The following RSRC1 variants were observed in gnomAD, a reference collection of about 807,000 sequenced individuals.
The protein encoded by RSRC1 is serine/Arginine-related protein 53.
In RSRC1, 39 loss-of-function variants were observed where a neutral mutation model predicts 49.1. The ratio of observed to expected loss-of-function variants is 0.79; its 90% CI spans 0.61 to 1.04. The LOEUF is 1.04. RSRC1 is among the 50% of genes least tolerant of loss of function. RSRC1 has a pLI of 0.00. For synonymous variants in RSRC1, 143 were observed against 130.8 expected (o/e 1.09, Z -0.63); for missense variants, 388 against 402.4 (o/e 0.96, Z 0.31).
intron 6 of RSRC1, among the ~76,000 whole-genome samples, chr3:158,401,654 G>A (rs78105531): frequency 0.017 from 2,526 of 152,010 alleles, 67 homozygotes; most frequent in African/African-American, 0.057. Context: ...GATTGCAGAA[G>A]CATTTCTGAA....
At chr3:158,194,289 G>C (rs1720416159) in intron 3 of RSRC1, among the ~76,000 whole-genome samples, 1 of 141,602 alleles carries the variant, frequency 7.1e-6, no homozygotes, top group Non-Finnish European at 1.6e-5. Flanking sequence ...AATAAATAAA[G>C]GAATGAAGAA....
intron 6 of RSRC1, among the ~76,000 whole-genome samples, chr3:158,441,127 C>T (rs897091674): frequency 3.3e-5 from 5 of 152,082 alleles, no homozygotes; most frequent in Admixed American, 2.6e-4. Context: ...CTGTCTGCTT[C>T]TCCTACAGTC....
At chr3:158,321,289 TC>T (rs1559991702) in intron 5 of RSRC1, among the ~76,000 whole-genome samples, 24 of 150,112 alleles carry the variant, frequency 1.6e-4, no homozygotes, top group Non-Finnish European at 1.9e-4. Context: ...CTCTTCCTCC[TC>T]CTCCTCCTCT....
intron 6 of RSRC1, among the ~76,000 whole-genome samples, chr3:158,456,105 G>A (rs1737302487): frequency 1.3e-5 from 2 of 149,590 alleles, no homozygotes; most frequent in Non-Finnish European, 3.0e-5. Context: ...ATTAGGCAAA[G>A]TGGACATAAC....
chr3:158,115,054 G>C (rs2108151406), intron 1 of RSRC1, among the ~76,000 whole-genome samples: 1 of 152,242 alleles, frequency 6.6e-6, no homozygotes, highest in East Asian at 1.9e-4. Flanking sequence ...AGTGGTGAGA[G>C]AGGACATCCT....
chr3:158,376,798 T>G (rs138729776), intron 6 of RSRC1, among the ~76,000 whole-genome samples: 96 of 152,348 alleles, frequency 6.3e-4, no homozygotes, highest in African/African-American at 2.1e-3. Context: ...GCACCTATTA[T>G]TCCATATTGG....
At chr3:158,156,445 C>T (rs1559922358) in intron 3 of RSRC1, among the ~76,000 whole-genome samples, 1 of 152,090 alleles carries the variant, frequency 6.6e-6, no homozygotes, top group Non-Finnish European at 1.5e-5. Context: ...TGGAATAGTA[C>T]TTTTAATATT....
intron 4 of RSRC1, among the ~76,000 whole-genome samples, chr3:158,288,441 A>T (rs144308928): frequency 6.6e-6 from 1 of 152,276 alleles, no homozygotes; most frequent in African/African-American, 2.4e-5. Flanking sequence ...ACTCCTTACT[A>T]AAATGTGTTG....
chr3:158,300,718 CTCT>C (rs1727496032), intron 5 of RSRC1, among the ~76,000 whole-genome samples: 1 of 152,064 alleles, frequency 6.6e-6, no homozygotes, highest in Non-Finnish European at 1.5e-5. Context: ...TGGAATTAAT[CTCT>C]TCTTTGTGTA....
intron 3 of RSRC1, among the ~76,000 whole-genome samples, chr3:158,130,424 T>C (rs1715939379): frequency 6.6e-6 from 1 of 152,218 alleles, no homozygotes; most frequent in African/African-American, 2.4e-5. Flanking sequence ...TTTCCATTTA[T>C]TTGTTGAGTA....
intron 7 of RSRC1, among the ~76,000 whole-genome samples, chr3:158,508,465 A>G (rs568047340): frequency 6.6e-6 from 1 of 151,670 alleles, no homozygotes; most frequent in South Asian, 2.1e-4. Context: ...TCTGTGTCAT[A>G]CATGTCGTAC....
intron 5 of RSRC1, among the ~76,000 whole-genome samples, chr3:158,346,104 G>T (rs28402668): frequency 6.6e-6 from 1 of 151,968 alleles, no homozygotes; most frequent in Non-Finnish European, 1.5e-5. Flanking sequence ...TGTGACTTCA[G>T]ATTAGGTAAA....
At chr3:158,233,767 A>G (rs183898885) in intron 4 of RSRC1, among the ~76,000 whole-genome samples, 47 of 152,264 alleles carry the variant, frequency 3.1e-4, no homozygotes, top group African/African-American at 1.1e-3. Context: ...ATAATTCCCC[A>G]ACATCACCAT....
intron 6 of RSRC1, among the ~76,000 whole-genome samples, chr3:158,439,476 A>T (rs1438968147): frequency 2.6e-5 from 4 of 152,188 alleles, no homozygotes; most frequent in Non-Finnish European, 4.4e-5. Context: ...ATGGAATACT[A>T]TGCAGCCATA....
At chr3:158,495,262 T>G (rs573495588) in intron 7 of RSRC1, among the ~76,000 whole-genome samples, 51 of 152,252 alleles carry the variant, frequency 3.3e-4, no homozygotes, top group African/African-American at 1.2e-3. Context: ...AATTGTTTTT[T>G]GTTTTTGTTT....
At chr3:158,260,711 G>A in intron 4 of RSRC1, among the ~76,000 whole-genome samples, 1 of 152,282 alleles carries the variant, frequency 6.6e-6, no homozygotes, top group East Asian at 1.9e-4. Context: ...AGCCCATATT[G>A]ACAGAGCTTG....
chr3:158,124,111 A>G (rs1202617393), intron 3 of RSRC1, 120 bp downstream of exon 3: 2 of 686,426 alleles, frequency 2.9e-6, no homozygotes, highest in South Asian at 2.8e-5. Flanking sequence ...GCTGGCACTT[A>G]TTTTTTTCTC....
chr3:158,284,868 C>A (rs1329560375), intron 4 of RSRC1, among the ~76,000 whole-genome samples: 8 of 150,354 alleles, frequency 5.3e-5, no homozygotes, highest in African/African-American at 1.9e-4. Flanking sequence ...ATGGTAGTTT[C>A]TTTTGCTGTG....
At position 158,370,529 on chromosome 3, in the gene RSRC1, G is replaced by A. The variant is rs538608445; in HGVS notation, c.583+15621G>A. 2.0e-5 allele frequency among the ~76,000 whole-genome samples: 3 copies of A among 151,948 alleles called. No homozygotes were observed. The East Asian group carries it at 5.8e-4, about 29-fold the overall frequency. ...ATATAGTATGTAGTGTTTTGTGTCT[G>A]TAGTCTTTCACTTGGTGTAATGCTT... is the stretch of plus-strand genomic sequence containing the variant. On this transcript the variant is annotated intron_variant, in intron 6 of 9. Coordinates refer to ENST00000611884, the MANE Select transcript of RSRC1 (RefSeq NM_001271838.2).
Sources: gnomAD v4.1 joint callset for allele counts (sites outside exome capture counted in the v4.1 genomes callset) on GRCh38, gnomAD v4.1.1 for gene constraint, MANE v1.5 for transcripts, NCBI Gene and HGNC (gene_info 2026-07-23, HGNC 2026-07-21) for gene names.